Variants in DRC8 observed in about 807,000 individuals in gnomAD.
DRC8 encodes dynein regulatory complex protein 8.
chr1:244,984,154 TC>T, the DRC8 span, among the ~76,000 whole-genome samples: 1 of 151,928 alleles, frequency 6.6e-6, no homozygotes, highest in Non-Finnish European at 1.5e-5. Flanking sequence ...TTTTGTTGAA[TC>T]CCATCTCTGG....
At chr1:245,031,617 A>C in the DRC8 span, among the ~76,000 whole-genome samples, 2 of 152,142 alleles carry the variant, frequency 1.3e-5, no homozygotes, top group Non-Finnish European at 2.9e-5. Context: ...AGCCGTCTCC[A>C]TGACTATTGT....
At chr1:244,993,899 C>G in the DRC8 span, among the ~76,000 whole-genome samples, 1 of 152,204 alleles carries the variant, frequency 6.6e-6, no homozygotes, top group African/African-American at 2.4e-5. Flanking sequence ...CCTCCCAAAA[C>G]TTGCATGGGG....
At chr1:244,979,094 A>G in the DRC8 span, among the ~76,000 whole-genome samples, 5 of 151,492 alleles carry the variant, frequency 3.3e-5, no homozygotes, top group African/African-American at 1.2e-4. Flanking sequence ...TCTCATAGCT[A>G]TTTGTTTTTT....
the DRC8 span, among the ~76,000 whole-genome samples, chr1:245,020,774 C>G: frequency 6.6e-6 from 1 of 151,348 alleles, no homozygotes; most frequent in Non-Finnish European, 1.5e-5. Flanking sequence ...TGCCCGCCAC[C>G]ACGCCCGGCT....
chr1:245,005,887 G>A, the DRC8 span, among the ~76,000 whole-genome samples: 1 of 152,148 alleles, frequency 6.6e-6, no homozygotes, highest in African/African-American at 2.4e-5. Context: ...CCAGGAAGGA[G>A]GAGAGCAATA....
At chr1:245,115,349 T>A in the DRC8 span, among the ~76,000 whole-genome samples, 1 of 152,176 alleles carries the variant, frequency 6.6e-6, no homozygotes, top group Non-Finnish European at 1.5e-5. Flanking sequence ...TGCCTGGCTT[T>A]AAGTTACTTA....
At chr1:245,094,469 G>A in the DRC8 span, among the ~76,000 whole-genome samples, 2 of 152,166 alleles carry the variant, frequency 1.3e-5, no homozygotes, top group African/African-American at 4.8e-5. Flanking sequence ...ATGAGTACAC[G>A]AGCGAAGGCT....
chr1:245,099,288 G>C, the DRC8 span, among the ~76,000 whole-genome samples: 2 of 152,158 alleles, frequency 1.3e-5, no homozygotes, highest in African/African-American at 4.8e-5. Context: ...TTCTCTCAAG[G>C]GGGGGCTTTT....
the DRC8 span, chr1:244,970,497 G>C: frequency 2.0e-6 from 3 of 1,516,792 alleles, no homozygotes; most frequent in South Asian, 3.6e-5. Flanking sequence ...GCGACCCCGG[G>C]CTGCACGGGG....
the DRC8 span, among the ~76,000 whole-genome samples, chr1:245,067,084 A>C: frequency 6.6e-6 from 1 of 152,122 alleles, no homozygotes; most frequent in East Asian, 1.9e-4. Context: ...CCTTAGTCCA[A>C]GCCTTGTCAT....
chr1:245,002,462 TC>T, the DRC8 span, among the ~76,000 whole-genome samples: 1 of 152,244 alleles, frequency 6.6e-6, no homozygotes, highest in East Asian at 1.9e-4. Context: ...TTGCGTACTC[TC>T]ATTCTGTTTC....
At chr1:245,010,186 CACA>C in the DRC8 span, among the ~76,000 whole-genome samples, 4 of 152,074 alleles carry the variant, frequency 2.6e-5, no homozygotes, top group Admixed American at 2.0e-4. Flanking sequence ...TTTAGGGCCG[CACA>C]ACAAGCTTGG....
chr1:245,084,142 C>T, the DRC8 span, among the ~76,000 whole-genome samples: 1,678 of 124,958 alleles, frequency 0.013, 38 homozygotes, highest in African/African-American at 0.045. Context: ...AGTGCAGTGG[C>T]GCGATCTTAG....
chr1:245,031,302 T>C, the DRC8 span, among the ~76,000 whole-genome samples: 6 of 152,112 alleles, frequency 3.9e-5, no homozygotes, highest in Non-Finnish European at 7.4e-5. Flanking sequence ...AGCTATACTG[T>C]AATTCCCAGA....
the DRC8 span, among the ~76,000 whole-genome samples, chr1:245,117,187 G>T: frequency 6.6e-6 from 1 of 152,002 alleles, no homozygotes; most frequent in African/African-American, 2.4e-5. Flanking sequence ...TGAGTAGCTG[G>T]GATGACAGGC....
At chr1:245,078,143 G>C in the DRC8 span, among the ~76,000 whole-genome samples, 668 of 152,204 alleles carry the variant, frequency 4.4e-3, 6 homozygotes, top group African/African-American at 0.014. Context: ...AACCACAATG[G>C]GATGTCACCT....
chr1:244,978,860 GC>G, the DRC8 span, among the ~76,000 whole-genome samples: 2 of 151,934 alleles, frequency 1.3e-5, no homozygotes, highest in African/African-American at 4.8e-5. Context: ...TTTGGACATT[GC>G]CTTTTTTTTT....
chr1:245,017,894 G>T, the DRC8 span, among the ~76,000 whole-genome samples: 1 of 152,044 alleles, frequency 6.6e-6, no homozygotes, highest in South Asian at 2.1e-4. Flanking sequence ...GAGATTAGAC[G>T]CTAATAAGAA....
the DRC8 span, among the ~76,000 whole-genome samples, chr1:244,974,492 C>T: frequency 4.6e-5 from 7 of 152,190 alleles, no homozygotes; most frequent in Admixed American, 3.9e-4. Context: ...ATTCAATTAT[C>T]ACCTCCTAAA....
Sources: gnomAD v4.1 joint callset for allele counts (sites outside exome capture counted in the v4.1 genomes callset) on GRCh38, gnomAD v4.1.1 for gene constraint, MANE v1.5 for transcripts, NCBI Gene and HGNC (gene_info 2026-07-23, HGNC 2026-07-21) for gene names.